ANKRD36B: variants seen among roughly 807,000 people sequenced by gnomAD.
ANKRD36B encodes the protein ankyrin repeat domain 36B.
ANKRD36B carries 37 observed loss-of-function variants against 135.7 expected under a neutral mutation model. The observed-to-expected ratio is 0.27, with a 90% CI of 0.21 to 0.36. The LOEUF is 0.36. Ranked by LOEUF, ANKRD36B falls within the 10% of genes least tolerant of loss-of-function variation. The probability of loss-of-function intolerance (pLI) is 1.00; values close to 1 mark genes in which losing one functional copy is unlikely to be tolerated. For synonymous variants in ANKRD36B, 179 were observed against 348.1 expected, an observed-to-expected ratio of 0.51 and a Z score of 5.41; for missense variants, 549 against 1,037.1, an observed-to-expected ratio of 0.53 and a Z score of 6.46.
At chr2:97,533,340 G>A (rs2078698820) in intron 34 of ANKRD36B, among the ~76,000 whole-genome samples, 1 of 97,056 alleles carries the variant, frequency 1.0e-5, no homozygotes, top group South Asian at 2.3e-4. Flanking sequence ...CTATTTCAAT[G>A]TAAACATGTT....
At position 97,538,787 on chromosome 2, in the gene ANKRD36B, T is replaced by C. The variant is rs530664638; in HGVS notation, c.1988-424A>G. Among the ~76,000 whole-genome samples the C allele has an allele frequency of 2.4e-3, 236 of 97,444 alleles. 76 individuals are homozygous for C. Among genetic ancestry groups the C allele is most frequent in the South Asian group, 9.1e-3 (39 of 4,296 alleles). 63.9% of individuals were successfully genotyped at this position (97,444 alleles called of 152,430 possible). A position where few individuals can be genotyped will look rare whatever the true frequency, so the allele number is the denominator to read the frequency against. ...TATACCACTGTACTGCAAGTATTCA[T>C]CATGCTCTTTAACTTGCCTGGTAAT... On this transcript the variant is annotated intron_variant, in intron 30 of 43. Coordinates refer to ENST00000359901, the MANE Select transcript of ANKRD36B (RefSeq NM_001393939.1).
intron 3 of ANKRD36B, 140 bp from the exon 4 acceptor site, chr2:97,580,708 G>A (rs1261288711): frequency 3.6e-5 from 24 of 659,856 alleles, no homozygotes; most frequent in African/African-American, 1.3e-4. Flanking sequence ...TTCCCTCCTC[G>A]GTGCTTTTCT....
rs1417873914 is a variant in ANKRD36B at position 97,527,523 on chromosome 2, C to T, written c.2266-4056G>A. 4.3e-5 allele frequency among the ~76,000 whole-genome samples: 4 copies of T among 93,076 alleles called. 1 individual carries two copies. Among genetic ancestry groups the T allele is most frequent in the Non-Finnish European group, 1.1e-4 (4 of 35,262 alleles). 61.1% of individuals were successfully genotyped at this position (93,076 alleles called of 152,430 possible). On this transcript the variant is annotated intron_variant, in intron 35 of 43. Transcript: ENST00000359901. ...AACGAGCAAAATAACTAGCTAACAT[C>T]ATAATGCCAGGATGAAATTCACACA... is the stretch of plus-strand genomic sequence containing the variant.
intron 6 of ANKRD36B, 54 bp from the exon 7 acceptor site, chr2:97,560,914 C>A (rs1278211906): frequency 2.1e-6 from 3 of 1,442,408 alleles, no homozygotes; most frequent in Admixed American, 4.1e-5. Flanking sequence ...ATAATGTTAT[C>A]CATACATTAA....
rs2079414945 is a variant in ANKRD36B at position 97,545,918 on chromosome 2, T to C, written c.1580-57A>G. Reference sequence around the variant, plus strand: ...TACATAAATATGATAAAGTTATCCATACATTCATACAGTGTTAGCATCAAC... The same window carrying C: ...TACATAAATATGATAAAGTTATCCACACATTCATACAGTGTTAGCATCAAC... On this transcript the variant is annotated intron_variant, in intron 22 of 43. Transcript: ENST00000359901. The C allele has an allele frequency of 1.4e-5, 12 of 871,338 alleles. 3 individuals carry two copies. The highest frequency in any genetic ancestry group is 2.1e-5 in the Admixed American group (1 of 48,298). The allele number at this position is 871,338 out of a possible 1,614,324, so 54.0% of individuals were successfully genotyped here. A position where few individuals can be genotyped will look rare whatever the true frequency, so the allele number is the denominator to read the frequency against.
At chr2:97,582,315 A>G (rs1463168950) in intron 3 of ANKRD36B, among the ~76,000 whole-genome samples, 1 of 152,060 alleles carries the variant, frequency 6.6e-6, no homozygotes, top group Non-Finnish European at 1.5e-5. Flanking sequence ...AAGGATTTAT[A>G]TAAAATATAG....
intron 6 of ANKRD36B, among the ~76,000 whole-genome samples, chr2:97,566,272 G>T (rs375216401): frequency 2.0e-5 from 3 of 152,014 alleles, no homozygotes; most frequent in South Asian, 4.1e-4. Flanking sequence ...AGTGAGCCGA[G>T]ATTGTGCCAT....
At chr2:97,556,793 C>T in intron 12 of ANKRD36B, 144 bp downstream of exon 12, 2 of 1,343,542 alleles carry the variant, frequency 1.5e-6, no homozygotes, top group Non-Finnish European at 2.0e-6. Flanking sequence ...TCAGCACCAC[C>T]TGACAACTTA....
rs192659624 is a variant in ANKRD36B, at chr2:97,527,439, A to T, written c.2266-3972T>A. ...TGGAAAGGAACAACCGGTACCAGCC[A>T]CTGCAAAATCATGACAAAATATAAA... On this transcript the variant is annotated intron_variant, in intron 35 of 43. Coordinates refer to ENST00000359901, the MANE Select transcript of ANKRD36B (RefSeq NM_001393939.1). 4.9e-3 allele frequency among the ~76,000 whole-genome samples: 468 copies of T among 95,812 alleles called. 124 individuals are homozygous for T. The highest frequency in any genetic ancestry group is 0.014 in the African/African-American group (449 of 31,888). The allele number at this position is 95,812 out of a possible 152,430, so 62.9% of individuals were successfully genotyped here. A position where few individuals can be genotyped will look rare whatever the true frequency, so the allele number is the denominator to read the frequency against.
At chr2:97,551,635 GA>G (rs1274530416) in intron 16 of ANKRD36B, among the ~76,000 whole-genome samples, 155 bp from the exon 17 acceptor site, 3 of 151,914 alleles carry the variant, frequency 2.0e-5, no homozygotes, top group African/African-American at 7.2e-5. Context: ...GAACATGACA[GA>G]AATACACTGA....
At chr2:97,563,843 A>G (rs978035380) in intron 6 of ANKRD36B, among the ~76,000 whole-genome samples, 1 of 152,164 alleles carries the variant, frequency 6.6e-6, no homozygotes, top group African/African-American at 2.4e-5. Flanking sequence ...CAACCACATA[A>G]GCATATCCAT....
At chr2:97,549,369 T>G (rs1244910827) in intron 20 of ANKRD36B, 50 bp downstream of exon 20, 13 of 1,521,136 alleles carry the variant, frequency 8.5e-6, no homozygotes, top group Non-Finnish European at 1.1e-5. Context: ...GGAAGAGAAC[T>G]TCTTATCTAT....
rs557628316 is a variant in ANKRD36B, at chr2:97,555,787, T to C, written c.1070-533A>G. Among the ~76,000 whole-genome samples, 7 of 152,084 alleles carry C rather than the reference T, an allele frequency of 4.6e-5. 1 individual carries two copies. In the East Asian group the frequency reaches 7.8e-4, roughly 17 times the overall value. ...ACCTAAATTGATCAGCTTGGATATA[T>C]GGTTGGTGAATCCTAGTAGATAGTA... On this transcript the variant is annotated intron_variant, in intron 12 of 43. Transcript: ENST00000359901.
At chr2:97,548,136 A>C (rs2079671707) in intron 20 of ANKRD36B, among the ~76,000 whole-genome samples, 1 of 151,818 alleles carries the variant, frequency 6.6e-6, no homozygotes, top group South Asian at 2.1e-4. Context: ...TTACACCATT[A>C]TACTACAAAC....
chr2:97,553,120 G>T (rs9679293), intron 16 of ANKRD36B, 48 bp downstream of exon 16: 965,698 of 1,580,298 alleles, frequency 0.61, 310,671 homozygotes, highest in Non-Finnish European at 0.67. Context: ...AGAGAAGTTC[G>T]TTTCTATCTG....
intron 26 of ANKRD36B, 101 bp from the exon 27 acceptor site, chr2:97,542,208 A>G (rs2079178127): frequency 1.4e-6 from 1 of 689,838 alleles, no homozygotes; most frequent in East Asian, 2.9e-5. Context: ...GTCTGCAGTT[A>G]TTAGTGTAGG....
Position 97,549,567 on chromosome 2 carries a change from T to C in ANKRD36B, c.1404+19A>G. On this transcript the variant is annotated intron_variant, in intron 19 of 43. Transcript: ENST00000359901. ...ACCATACATTAACTAGTTCACAATATAAATGAGAGTTTCATTACCTTCAAG... is the reference window on the plus strand; with the variant it reads ...ACCATACATTAACTAGTTCACAATACAAATGAGAGTTTCATTACCTTCAAG... The C allele has an allele frequency of 9.3e-6, 15 of 1,608,986 alleles. No individual in the cohort carries two copies. The highest frequency in any genetic ancestry group is 4.5e-5 in the East Asian group (2 of 44,674).
At chr2:97,579,656 ATAT>A in intron 4 of ANKRD36B, among the ~76,000 whole-genome samples, 1 of 143,542 alleles carries the variant, frequency 7.0e-6, no homozygotes, top group South Asian at 2.1e-4. Flanking sequence ...AGTATATTAT[ATAT>A]TATCTATAAA....
At chr2:97,496,857 A>ATC (rs2077315143) in intron 43 of ANKRD36B, among the ~76,000 whole-genome samples, 1 of 69,836 alleles carries the variant, frequency 1.4e-5, no homozygotes, top group African/African-American at 6.6e-5. Context: ...ATATATATAT[A>ATC]TATCTTTTAA....
Sources: allele counts gnomAD v4.1 joint callset (sites outside exome capture counted in the v4.1 genomes callset), GRCh38; gene constraint gnomAD v4.1.1; transcripts MANE v1.5; gene names NCBI Gene and HGNC (gene_info 2026-07-23, HGNC 2026-07-21).